Variants in PRICKLE1 observed in about 807,000 individuals in gnomAD.
PRICKLE1 encodes prickle planar cell polarity protein 1, also known as prickle-like protein 1.
PRICKLE1 carries 14 observed loss-of-function variants against 70.2 expected under a neutral mutation model. That is an observed-to-expected ratio of 0.20 (90% CI 0.13 to 0.31). PRICKLE1 has a LOEUF of 0.31. PRICKLE1 is among the 10% of genes least tolerant of loss of function. The pLI is 1.00. For missense variants in PRICKLE1, 821 were observed against 1,026.2 expected (o/e 0.80, Z 2.73); for synonymous variants, 357 against 379.9 (o/e 0.94, Z 0.70).
chr12:42,461,059 T>C (rs1937813472), intron 7 of PRICKLE1, among the ~76,000 whole-genome samples: 2 of 152,142 alleles, frequency 1.3e-5, no homozygotes, highest in East Asian at 1.9e-4. Flanking sequence ...TTTTGTATTT[T>C]TAGTAAAGAC....
At chr12:42,504,309 T>TTTATA (rs1163477791) in intron 1 of PRICKLE1, among the ~76,000 whole-genome samples, 2 of 152,092 alleles carry the variant, frequency 1.3e-5, no homozygotes, top group African/African-American at 4.8e-5. Flanking sequence ...GTGGGCAGAG[T>TTTATA]ACAGGGAAAC....
chr12:42,515,808 C>A (rs776915646), intron 1 of PRICKLE1, among the ~76,000 whole-genome samples: 3 of 152,136 alleles, frequency 2.0e-5, no homozygotes, highest in Non-Finnish European at 4.4e-5. Flanking sequence ...GGCTGTAGAA[C>A]CTACCTTTTA....
At chr12:42,469,341 C>G in intron 4 of PRICKLE1, 109 bp downstream of exon 4, 1 of 1,300,916 alleles carries the variant, frequency 7.7e-7, no homozygotes, top group Non-Finnish European at 1.1e-6. Flanking sequence ...CTCTCATTTT[C>G]TGGAGGCTTT....
intron 1 of PRICKLE1, among the ~76,000 whole-genome samples, chr12:42,507,011 T>C (rs749845411): frequency 7.2e-5 from 11 of 152,196 alleles, no homozygotes; most frequent in Admixed American, 6.5e-5. Flanking sequence ...TCATCTAATA[T>C]CTAAACCCAT....
intron 1 of PRICKLE1, among the ~76,000 whole-genome samples, chr12:42,537,723 C>G (rs1036732862): frequency 2.0e-5 from 3 of 152,204 alleles, no homozygotes; most frequent in Admixed American, 1.3e-4. Context: ...AAACTACGCT[C>G]TCCTCCTTTG....
At chr12:42,520,083 T>C (rs1471617316) in intron 1 of PRICKLE1, among the ~76,000 whole-genome samples, 1 of 152,206 alleles carries the variant, frequency 6.6e-6, no homozygotes. Context: ...GGTAATCTTA[T>C]ATGTTCCATT....
chr12:42,535,089 C>T (rs1037773219), intron 1 of PRICKLE1, among the ~76,000 whole-genome samples: 3 of 152,186 alleles, frequency 2.0e-5, no homozygotes, highest in African/African-American at 7.2e-5. Flanking sequence ...CTGGAACATT[C>T]CATACCCATG....
chr12:42,573,955 A>C (rs1191028373), intron 1 of PRICKLE1, among the ~76,000 whole-genome samples: 1 of 152,084 alleles, frequency 6.6e-6, no homozygotes, highest in Non-Finnish European at 1.5e-5. Flanking sequence ...AAAATGTACT[A>C]TTATTTCTTT....
chr12:42,565,333 G>T (rs1940603954), intron 1 of PRICKLE1, among the ~76,000 whole-genome samples: 1 of 152,138 alleles, frequency 6.6e-6, no homozygotes, highest in Admixed American at 6.5e-5. Context: ...AAGGATCTGG[G>T]GTCCCATTAA....
intron 1 of PRICKLE1, among the ~76,000 whole-genome samples, chr12:42,559,955 A>G (rs916543982): frequency 2.6e-5 from 4 of 152,028 alleles, no homozygotes; most frequent in African/African-American, 9.7e-5. Flanking sequence ...AAACAATCCT[A>G]TCATGTTCCC....
At chr12:42,490,219 G>A (rs984978538) in intron 1 of PRICKLE1, among the ~76,000 whole-genome samples, 6 of 152,194 alleles carry the variant, frequency 3.9e-5, no homozygotes, top group Non-Finnish European at 5.9e-5. Flanking sequence ...TTCAGGAACC[G>A]TGAAGGTGGG....
Position 42,555,415 on chromosome 12 carries a change from C to T in PRICKLE1, c.-49+34050G>A, listed in dbSNP as rs149605826. ...AATAGTATTATTGTGGTTATAGATG[C>T]GAAAAACAATAATCTTTATGTAAGA... On this transcript the variant is annotated intron_variant, in intron 1 of 7. Coordinates refer to ENST00000345127, the MANE Select transcript of PRICKLE1 (RefSeq NM_153026.3). 1.6e-3 allele frequency among the ~76,000 whole-genome samples: 243 copies of T among 152,192 alleles called. 4 individuals are homozygous for T. The highest frequency in any genetic ancestry group is 0.014 in the Admixed American group (217 of 15,286).
chr12:42,587,076 A>G (rs544173105), intron 1 of PRICKLE1, among the ~76,000 whole-genome samples: 3 of 152,320 alleles, frequency 2.0e-5, no homozygotes, highest in East Asian at 1.9e-4. Context: ...TAGTGCTTCC[A>G]TGGACCTTGA....
intron 2 of PRICKLE1, 46 bp downstream of exon 2, chr12:42,472,339 T>C (rs916491597): frequency 9.9e-6 from 16 of 1,609,792 alleles, no homozygotes; most frequent in Non-Finnish European, 1.4e-5. Context: ...AAGTCTGAAC[T>C]CACACTGAAA....
chr12:42,545,962 T>C (rs548758494), intron 1 of PRICKLE1, among the ~76,000 whole-genome samples: 1 of 151,108 alleles, frequency 6.6e-6, no homozygotes, highest in South Asian at 2.1e-4. Context: ...TAAAAAAAAA[T>C]CTATAGTCAA....
In PRICKLE1 at chr12:42,585,825, C is replaced by G. The variant is rs577973875; in HGVS notation, c.-49+3640G>C. ...ACCATAAACAAGGGGATGTGATTAC[C>G]AGTTACTGGGGCAGATGAAGCGCTA... On this transcript the variant is annotated intron_variant, in intron 1 of 7. Coordinates refer to ENST00000345127, the MANE Select transcript of PRICKLE1 (RefSeq NM_153026.3). Among the ~76,000 whole-genome samples the G allele has an allele frequency of 2.0e-5, 3 of 152,222 alleles. No individual in the cohort carries two copies. The East Asian group carries it at 5.8e-4, about 29-fold the overall frequency.
At chr12:42,474,016 G>C (rs1938425145) in intron 1 of PRICKLE1, among the ~76,000 whole-genome samples, 1 of 152,178 alleles carries the variant, frequency 6.6e-6, no homozygotes, top group South Asian at 2.1e-4. Context: ...GCTCACACCT[G>C]TAATCCCAGC....
chr12:42,512,636 A>G (rs1939534910), intron 1 of PRICKLE1, among the ~76,000 whole-genome samples: 1 of 152,048 alleles, frequency 6.6e-6, no homozygotes, highest in Non-Finnish European at 1.5e-5. Context: ...TTTCTATCTG[A>G]CATAGTATGT....
intron 7 of PRICKLE1, 130 bp from the exon 8 acceptor site, chr12:42,460,795 G>T: frequency 9.2e-7 from 1 of 1,089,042 alleles, no homozygotes; most frequent in East Asian, 2.5e-5. Flanking sequence ...AAACCCATAG[G>T]GAAAGCCAAC....
Sources: gnomAD v4.1 joint callset for allele counts (sites outside exome capture counted in the v4.1 genomes callset) on GRCh38, gnomAD v4.1.1 for gene constraint, MANE v1.5 for transcripts, NCBI Gene and HGNC (gene_info 2026-07-23, HGNC 2026-07-21) for gene names.